The following SLC13A2 variants were observed in gnomAD, a reference collection of about 807,000 sequenced individuals.
The protein encoded by SLC13A2 is solute carrier family 13 member 2, also known as Na(+)-coupled citrate transporter.
SLC13A2 carries 40 observed loss-of-function variants against 58.5 expected under a neutral mutation model. The observed-to-expected ratio is 0.68, with a 90% CI of 0.53 to 0.89. The LOEUF is 0.89. Among genes scored for constraint, SLC13A2 ranks in the 40% least tolerant of loss-of-function variants. The pLI is 0.00. For synonymous variants in SLC13A2, 341 were observed against 331.6 expected, an observed-to-expected ratio of 1.03 and a Z score of -0.31; for missense variants, 694 against 772.6, an observed-to-expected ratio of 0.90 and a Z score of 1.21.
intron 1 of SLC13A2, among the ~76,000 whole-genome samples, chr17:28,482,177 G>T (rs141409705): frequency 9.4e-4 from 143 of 151,932 alleles, no homozygotes; most frequent in African/African-American, 3.3e-3. Context: ...ATGCCACCAT[G>T]CCCAGCTAAG....
At chr17:28,488,851 T>C (rs1245664213) in intron 1 of SLC13A2, among the ~76,000 whole-genome samples, 1 of 152,122 alleles carries the variant, frequency 6.6e-6, no homozygotes, top group African/African-American at 2.4e-5. Flanking sequence ...CAGGCAAAGG[T>C]CCACATTGCC....
intron 1 of SLC13A2, among the ~76,000 whole-genome samples, chr17:28,486,791 C>CTTTT (rs35840529): frequency 6.9e-5 from 9 of 131,192 alleles, no homozygotes; most frequent in Non-Finnish European, 1.3e-4. Flanking sequence ...GCGAGTCTGA[C>CTTTT]TTTTTTTTTT....
chr17:28,478,767 G>A (rs2068733996), intron 1 of SLC13A2, among the ~76,000 whole-genome samples: 1 of 152,190 alleles, frequency 6.6e-6, no homozygotes, highest in Admixed American at 6.5e-5. Context: ...CCATTCAAAT[G>A]TATTCATCCA....
intron 1 of SLC13A2, among the ~76,000 whole-genome samples, chr17:28,477,337 T>C (rs923527425): frequency 6.6e-6 from 1 of 151,272 alleles, no homozygotes; most frequent in Non-Finnish European, 1.5e-5. Flanking sequence ...GGGACTACAG[T>C]CACCTGCCAC....
intron 1 of SLC13A2, among the ~76,000 whole-genome samples, chr17:28,477,426 C>T (rs1252629563): frequency 2.0e-5 from 3 of 151,726 alleles, no homozygotes; most frequent in Non-Finnish European, 2.9e-5. Flanking sequence ...GATCTCCTGA[C>T]CTCGTGATCC....
chr17:28,496,584 T>C lies in SLC13A2; in HGVS notation c.1605T>C (p.Asp535=), dbSNP rs782032549. Residue 535 remains aspartate, a synonymous_variant, in exon 11 of 12, where the codon GAT becomes GAC. Coordinates refer to ENST00000314669, the MANE Select transcript of SLC13A2 (RefSeq NM_003984.4). This position sits in a 1 kb window ranked among gnomAD's most constrained non-coding sequence, Gnocchi z 4.2. The part of the protein sequence containing the change: ...VFSFGDLKVL[D]MARAGFLLNI... Reference sequence around the variant, plus strand: ...CTTTCGGGGACCTCAAAGTGTTGGATATGGTAAGTGGCAGGGAGGCCTGAA... The same window carrying C: ...CTTTCGGGGACCTCAAAGTGTTGGACATGGTAAGTGGCAGGGAGGCCTGAA... 6.2e-7 allele frequency: 1 copy of C among 1,611,772 alleles called. No homozygotes were observed. Among genetic ancestry groups the C allele is most frequent in the Non-Finnish European group, 8.5e-7 (1 of 1,178,628 alleles).
rs782383823 is a variant in SLC13A2, at chr17:28,489,297, C to G, written c.186C>G (p.Phe62Leu). 1.9e-6 allele frequency: 3 copies of G among 1,613,984 alleles called. No individual in the cohort carries two copies. The highest frequency in any genetic ancestry group is 2.5e-6 in the Non-Finnish European group (3 of 1,180,048). The change falls in exon 2 of 12, where the codon TTC (phenylalanine) becomes TTG (leucine). Residue 62 changes from phenylalanine (F) to leucine (L), a missense_variant. Phe to Leu is a conservative substitution (Grantham distance 22). Transcript: ENST00000314669. ...TGCCCCTGGCCGTCACTGCCCTCTT[C>G]CCCTTAATCCTGTTCCCTATGATGG... ...EALPLAVTAL[F>L]PLILFPMMGI...
At chr17:28,490,197 C>A in intron 2 of SLC13A2, 1 of 1,068,048 alleles carries the variant, frequency 9.4e-7, no homozygotes, top group Non-Finnish European at 1.3e-6. Flanking sequence ...TGGTTTGAGC[C>A]AAGGAGGTGG....
At position 28,473,724 on chromosome 17, in the gene SLC13A2, C is replaced by G. The variant is rs1555599368; in HGVS notation, c.12C>G (p.Cys4Trp). ...TGCTGCTCCACACCATGGCCACCTG[C>G]TGGCAGGCCCTGTGGGCCTATCGCT... MAT[C>W]WQALWAYRSY... The change falls in exon 1 of 12, where the codon TGC (cysteine) becomes TGG (tryptophan). Residue 4 changes from cysteine to tryptophan, a missense_variant. By Grantham distance (215) the Cys-to-Trp change is radical. Transcript: ENST00000314669. 1.2e-6 allele frequency: 2 copies of G among 1,613,874 alleles called. No homozygotes were observed. Among genetic ancestry groups the G allele is most frequent in the African/African-American group, 2.7e-5 (2 of 74,926 alleles).
At chr17:28,478,404 C>T (rs2068729025) in intron 1 of SLC13A2, among the ~76,000 whole-genome samples, 2 of 152,330 alleles carry the variant, frequency 1.3e-5, no homozygotes, top group African/African-American at 2.4e-5. Context: ...TGCTTATAGT[C>T]TATAGGAGGA....
rs1597514400 is a variant in SLC13A2, at chr17:28,497,211, C to G, written c.1721C>G (p.Ser574Cys). 6.2e-7 allele frequency: 1 copy of G among 1,614,184 alleles called. No homozygotes were observed. Among genetic ancestry groups the G allele is most frequent in the Non-Finnish European group, 8.5e-7 (1 of 1,180,020 alleles). ...CACTCTTTCCCCTCCTGGGCACAGTCCAACACCACAGCCCAGTGCCTGCCA... is the reference window on the plus strand; with the variant it reads ...CACTCTTTCCCCTCCTGGGCACAGTGCAACACCACAGCCCAGTGCCTGCCA... ...SLHSFPSWAQ[S>C]NTTAQCLPSL... Residue 574 changes from serine (S) to cysteine (C), a missense_variant, in exon 12 of 12, where the codon TCC (serine) becomes TGC (cysteine). By Grantham distance (112) the Ser-to-Cys change is moderately radical. Coordinates refer to ENST00000314669, the MANE Select transcript of SLC13A2 (RefSeq NM_003984.4).
At chr17:28,483,356 G>A (rs1555601450) in intron 1 of SLC13A2, among the ~76,000 whole-genome samples, 2 of 152,122 alleles carry the variant, frequency 1.3e-5, no homozygotes, top group African/African-American at 2.4e-5. Context: ...GGCTGGGCAC[G>A]GTGGCTCACA....
intron 11 of SLC13A2, 88 bp from the exon 12 acceptor site, chr17:28,497,011 A>G: frequency 7.2e-7 from 1 of 1,389,484 alleles, no homozygotes. Flanking sequence ...TGCTGGTAGG[A>G]GGGCTCCTGT....
intron 1 of SLC13A2, among the ~76,000 whole-genome samples, chr17:28,482,296 C>T (rs1348667069): frequency 6.6e-6 from 1 of 152,174 alleles, no homozygotes; most frequent in Non-Finnish European, 1.5e-5. Flanking sequence ...AAGAAATCCT[C>T]CTGCCTCAGC....
At chr17:28,478,236 G>A (rs1042104138) in intron 1 of SLC13A2, among the ~76,000 whole-genome samples, 1 of 152,192 alleles carries the variant, frequency 6.6e-6, no homozygotes, top group South Asian at 2.1e-4. Flanking sequence ...TGGGAGGCCG[G>A]TGGTGCCCCC....
In SLC13A2 at chr17:28,491,489, T is replaced by C. The variant is rs146140617; in HGVS notation, c.627T>C (p.His209=). The C allele has an allele frequency of 1.1e-5, 17 of 1,613,640 alleles. No homozygotes were observed. The highest frequency in any genetic ancestry group is 1.6e-4 in the Middle Eastern group (1 of 6,084). ...VTSASSEGRA[H]LSQKHLHLTQ... is the part of the protein sequence containing the mutation. ...CTGCCTCTTCGGAGGGGAGGGCACA[T>C]CTCAGCCAGAAGCATCTCCACCTCA... is the stretch of plus-strand genomic sequence containing the variant. Residue 209 remains histidine (H), a synonymous_variant, in exon 5 of 12, where the codon CAT becomes CAC. Transcript: ENST00000314669.
At chr17:28,487,457 A>G (rs1461835405) in intron 1 of SLC13A2, 45 of 777,222 alleles carry the variant, frequency 5.8e-5, no homozygotes, top group Non-Finnish European at 6.6e-5. Context: ...AAATAAATGC[A>G]ACTTGTAAAA....
At chr17:28,480,667 C>A (rs1229713288) in intron 1 of SLC13A2, among the ~76,000 whole-genome samples, 1 of 152,142 alleles carries the variant, frequency 6.6e-6, no homozygotes, top group Non-Finnish European at 1.5e-5. Flanking sequence ...ACGTAGAGTA[C>A]CTGGCACCTG....
In SLC13A2 at chr17:28,490,927, C is replaced by G. The variant is rs1422129576; in HGVS notation, c.574+21C>G. 3 of 1,593,882 alleles carry G rather than the reference C, an allele frequency of 1.9e-6. No homozygotes were observed. In the East Asian group the frequency reaches 6.8e-5, roughly 36 times the overall value. On this transcript the variant is annotated intron_variant, in intron 4 of 11. Coordinates refer to ENST00000314669, the MANE Select transcript of SLC13A2 (RefSeq NM_003984.4). ...GCTTGGTGAGAAAAATGAGGCTAGA[C>G]TCTGCCCCAACCCCTTGGTTCTTGG...
Sources: allele counts gnomAD v4.1 joint callset (sites outside exome capture counted in the v4.1 genomes callset), GRCh38; gene constraint gnomAD v4.1.1; non-coding constraint Gnocchi (gnomAD v3.1); transcripts MANE v1.5; gene names NCBI Gene and HGNC (gene_info 2026-07-23, HGNC 2026-07-21).